Variants in CEP192 observed in about 807,000 individuals in gnomAD.
CEP192 encodes the protein centrosomal protein of 192 kDa.
A neutral mutation model predicts 271.8 loss-of-function variants in CEP192; 151 were observed. That is an observed-to-expected ratio of 0.56 (90% CI 0.49 to 0.64). CEP192 has a LOEUF of 0.64. Among genes scored for constraint, CEP192 ranks in the 30% least tolerant of loss-of-function variants. CEP192 has a pLI of 0.00. For synonymous variants in CEP192, 995 were observed against 1,076.5 expected, an observed-to-expected ratio of 0.92 and a Z score of 1.48; for missense variants, 2,910 against 3,020.5, an observed-to-expected ratio of 0.96 and a Z score of 0.86.
intron 9 of CEP192, among the ~76,000 whole-genome samples, chr18:13,027,574 G>A (rs1014583196): frequency 6.6e-6 from 1 of 152,224 alleles, no homozygotes; most frequent in Admixed American, 6.5e-5. Context: ...CAGTTTTAGA[G>A]GCCCCAGTTT....
In CEP192 at chr18:13,068,999, C is replaced by T; in HGVS notation, c.4962+8C>T. ...GCTCCCAGGGACTTGCAGGTAGCCTCAGTCCTCCTTTCTGCCGTTACTGCT... is the reference window on the plus strand; with the variant it reads ...GCTCCCAGGGACTTGCAGGTAGCCTTAGTCCTCCTTTCTGCCGTTACTGCT... On this transcript the variant is annotated splice_region_variant and intron_variant, in intron 25 of 44. Transcript: ENST00000506447. 6.2e-7 allele frequency: 1 copy of T among 1,614,164 alleles called. No homozygotes were observed.
At position 13,007,621 on chromosome 18, in the gene CEP192, A is replaced by G. The variant is rs141311604; in HGVS notation, c.291-835A>G. Among the ~76,000 whole-genome samples, 172 of 152,100 alleles carry G rather than the reference A, an allele frequency of 1.1e-3. 1 individual carries two copies. Among genetic ancestry groups the G allele is most frequent in the Middle Eastern group, 6.8e-3 (2 of 294 alleles). The stretch of plus-strand genomic sequence containing the variant: ...CTATGCCTTTCCTTTCCTGTACTCA[A>G]TGAAATTTTCCTGTACCTACCCATG... On this transcript the variant is annotated intron_variant, in intron 3 of 44. Coordinates refer to ENST00000506447, the MANE Select transcript of CEP192 (RefSeq NM_032142.4).
intron 4 of CEP192, among the ~76,000 whole-genome samples, chr18:13,009,876 C>A (rs550467299): frequency 7.9e-5 from 12 of 152,000 alleles, no homozygotes; most frequent in African/African-American, 2.9e-4. Flanking sequence ...GAAGAAACTA[C>A]AAAAATATGG....
At chr18:13,060,999 C>T in intron 21 of CEP192, among the ~76,000 whole-genome samples, 1 of 151,774 alleles carries the variant, frequency 6.6e-6, no homozygotes, top group Non-Finnish European at 1.5e-5. Context: ...CCACACTTAA[C>T]AGATGTTACT....
At chr18:13,111,920 AGTAT>A (rs1168999928) in intron 40 of CEP192, among the ~76,000 whole-genome samples, 5 of 152,352 alleles carry the variant, frequency 3.3e-5, no homozygotes, top group African/African-American at 1.2e-4. Flanking sequence ...CGAGAAATGA[AGTAT>A]CACTTAATAC....
intron 21 of CEP192, among the ~76,000 whole-genome samples, chr18:13,065,497 T>A (rs1350416698): frequency 1.3e-5 from 2 of 152,216 alleles, no homozygotes; most frequent in African/African-American, 4.8e-5. Flanking sequence ...TATTCTAATA[T>A]AACAACAGCA....
intron 30 of CEP192, among the ~76,000 whole-genome samples, chr18:13,080,656 C>T (rs529058685): frequency 7.2e-5 from 11 of 152,150 alleles, no homozygotes; most frequent in East Asian, 1.9e-4. Flanking sequence ...TTGCCCTGGC[C>T]AGAACTTCCA....
intron 31 of CEP192, 41 bp downstream of exon 31, chr18:13,087,318 T>G (rs764956394): frequency 1.3e-6 from 2 of 1,492,332 alleles, no homozygotes; most frequent in Non-Finnish European, 1.8e-6. Context: ...TCAACTCATT[T>G]TAAAATTGTT....
intron 30 of CEP192, among the ~76,000 whole-genome samples, chr18:13,079,346 T>A (rs997690543): frequency 9.9e-5 from 15 of 152,250 alleles, no homozygotes; most frequent in African/African-American, 3.4e-4. Context: ...TGTGAGATGA[T>A]ATCTCATTGT....
intron 21 of CEP192, among the ~76,000 whole-genome samples, chr18:13,064,005 G>A (rs2037552702): frequency 6.6e-6 from 1 of 151,498 alleles, no homozygotes; most frequent in Admixed American, 6.6e-5. Flanking sequence ...ATTTTTAATA[G>A]AGATGGGGTT....
Position 12,999,565 on chromosome 18 carries a change from G to A in CEP192, c.141G>A (p.Arg47=), listed in dbSNP as rs1340293278. ...GLPVAVSTLA[R]DRSSTDNRYP... The stretch of plus-strand genomic sequence containing the variant: ...CTGTTGCTGTTTCTACACTTGCTAG[G>A]GATAGATCCAGCACTGATAACAGGT... The change falls in exon 2 of 45, where the codon AGG becomes AGA. Residue 47 remains arginine (R), a synonymous_variant. Coordinates refer to ENST00000506447, the MANE Select transcript of CEP192 (RefSeq NM_032142.4). 2.6e-6 allele frequency: 4 copies of A among 1,549,566 alleles called. No homozygotes were observed. In the East Asian group the frequency reaches 9.8e-5, roughly 38 times the overall value.
At chr18:13,005,661 T>C (rs2033936310) in intron 3 of CEP192, among the ~76,000 whole-genome samples, 1 of 152,146 alleles carries the variant, frequency 6.6e-6, no homozygotes, top group African/African-American at 2.4e-5. Flanking sequence ...TCTTGAATAG[T>C]CTGAAGCCCT....
At chr18:13,109,166 G>T (rs1411395381) in intron 40 of CEP192, among the ~76,000 whole-genome samples, 1 of 152,142 alleles carries the variant, frequency 6.6e-6, no homozygotes, top group African/African-American at 2.4e-5. Flanking sequence ...CCGGTGGATT[G>T]GATGAAGAAA....
At chr18:13,102,135 C>A (rs1308663237) in intron 38 of CEP192, among the ~76,000 whole-genome samples, 2 of 152,128 alleles carry the variant, frequency 1.3e-5, no homozygotes, top group African/African-American at 2.4e-5. Flanking sequence ...GCTCCTGCCA[C>A]CCCCCACAGC....
chr18:13,068,773 C>T, intron 24 of CEP192, 79 bp from the exon 25 acceptor site: 1 of 1,477,618 alleles, frequency 6.8e-7, no homozygotes, highest in Admixed American at 1.7e-5. Context: ...CCCCTAAGGG[C>T]ACTGTGTGGG....
intron 40 of CEP192, among the ~76,000 whole-genome samples, chr18:13,109,099 C>G (rs974500167): frequency 2.0e-5 from 3 of 152,146 alleles, no homozygotes; most frequent in Admixed American, 2.0e-4. Flanking sequence ...TGCACTTGCA[C>G]ATTCATCACA....
intron 37 of CEP192, 124 bp from the exon 38 acceptor site, chr18:13,100,181 C>T (rs1229138170): frequency 1.0e-5 from 7 of 671,964 alleles, no homozygotes; most frequent in African/African-American, 3.6e-5. Context: ...AACTTTAATT[C>T]CTAAATTTAT....
At chr18:12,994,551 A>T (rs1414985006) in intron 1 of CEP192, among the ~76,000 whole-genome samples, 2 of 152,246 alleles carry the variant, frequency 1.3e-5, no homozygotes, top group Non-Finnish European at 2.9e-5. Context: ...AAGAATAAAA[A>T]CATGGAAAAG....
rs1022007002 is a variant in CEP192 at position 13,018,552 on chromosome 18, C to T, written c.862C>T (p.His288Tyr). ...CAGCTCTCTGATTTCCCTCGACTCA[C>T]ACTCTTCTGAAACAACTCACAAAGA... ...NNSSLISLDSHSSETTHKESE... is the reference protein window; with the variant it reads ...NNSSLISLDSYSSETTHKESE... Residue 288 changes from histidine (H) to tyrosine (Y), a missense_variant, in exon 8 of 45, where the codon CAC becomes TAC. By Grantham distance (83) the His-to-Tyr change is moderately conservative. Coordinates refer to ENST00000506447, the MANE Select transcript of CEP192 (RefSeq NM_032142.4). 3.2e-6 allele frequency: 5 copies of T among 1,541,038 alleles called. No individual in the cohort carries two copies. The highest frequency in any genetic ancestry group is 4.4e-6 in the Non-Finnish European group (5 of 1,139,356).
Sources: gnomAD v4.1 joint callset for allele counts (sites outside exome capture counted in the v4.1 genomes callset) on GRCh38, gnomAD v4.1.1 for gene constraint, MANE v1.5 for transcripts, NCBI Gene and HGNC (gene_info 2026-07-23, HGNC 2026-07-21) for gene names.